Variants in CDH12 observed in about 807,000 individuals in gnomAD.
The protein encoded by CDH12 is cadherin-12.
CDH12 carries 41 observed loss-of-function variants against 74.1 expected under a neutral mutation model. The observed-to-expected ratio is 0.55, with a 90% confidence interval of 0.43 to 0.72. The LOEUF is 0.72. Ranked by LOEUF, CDH12 falls within the 30% of genes least tolerant of loss-of-function variation. CDH12 has a pLI of 0.00. For synonymous variants in CDH12, 399 were observed against 355.0 expected, an observed-to-expected ratio of 1.12 and a Z score of -1.39; for missense variants, 945 against 977.2, an observed-to-expected ratio of 0.97 and a Z score of 0.44.
chr5:22,692,089 A>T (rs1003211295), intron 1 of CDH12, among the ~76,000 whole-genome samples: 1 of 152,150 alleles, frequency 6.6e-6, no homozygotes, highest in African/African-American at 2.4e-5. Flanking sequence ...TCTCTCATGA[A>T]TAAATTAGTG....
At position 21,761,742 on chromosome 5, in the gene CDH12, T is replaced by G. The variant is rs372840836; in HGVS notation, c.1516-1067A>C. Among the ~76,000 whole-genome samples the G allele has an allele frequency of 2.3e-3, 337 of 147,462 alleles. 1 individual carries two copies. The highest frequency in any genetic ancestry group is 4.3e-3 in the Non-Finnish European group (284 of 66,718). On this transcript the variant is annotated intron_variant, in intron 12 of 14. Coordinates refer to ENST00000382254, the MANE Select transcript of CDH12 (RefSeq NM_004061.5). Reference sequence around the variant, plus strand: ...GTAGGTAGATGGATGGATGGATAGATATAGATAGATAGATAGATAGATAGA... The same window carrying G: ...GTAGGTAGATGGATGGATGGATAGAGATAGATAGATAGATAGATAGATAGA...
intron 6 of CDH12, among the ~76,000 whole-genome samples, chr5:21,875,037 C>T (rs190805114): frequency 7.9e-5 from 12 of 152,308 alleles, no homozygotes; most frequent in Admixed American, 6.5e-4. Context: ...GATAGCATCT[C>T]ACACCAGTCA....
At chr5:22,430,884 G>C (rs1437040730) in intron 2 of CDH12, among the ~76,000 whole-genome samples, 1 of 151,858 alleles carries the variant, frequency 6.6e-6, no homozygotes, top group African/African-American at 2.4e-5. Flanking sequence ...AGATTCTTTA[G>C]CAGTTTCTTT....
intron 3 of CDH12, among the ~76,000 whole-genome samples, chr5:22,341,930 TA>T (rs923330356): frequency 1.7e-4 from 25 of 147,226 alleles, no homozygotes; most frequent in Admixed American, 5.5e-4. Context: ...TGGGCTACTA[TA>T]AAAAAAAAAC....
intron 6 of CDH12, among the ~76,000 whole-genome samples, chr5:21,877,057 G>T (rs748050236): frequency 2.6e-5 from 4 of 152,132 alleles, no homozygotes; most frequent in Non-Finnish European, 5.9e-5. Flanking sequence ...ACAAAAATTA[G>T]TCAGGCATAG....
chr5:22,703,400 T>C (rs1180563048), intron 1 of CDH12, among the ~76,000 whole-genome samples: 3 of 152,198 alleles, frequency 2.0e-5, no homozygotes, highest in Non-Finnish European at 1.5e-5. Flanking sequence ...ACACCATCTG[T>C]ATGACATTTT....
In CDH12 at chr5:22,239,917, G is replaced by T. The variant is rs531293313; in HGVS notation, c.-332-27274C>A. Among the ~76,000 whole-genome samples the T allele has an allele frequency of 2.6e-4, 39 of 152,180 alleles. 1 individual carries two copies. The highest frequency in any genetic ancestry group is 2.4e-3 in the Admixed American group (37 of 15,280). On this transcript the variant is annotated intron_variant, in intron 3 of 14. Coordinates refer to ENST00000382254, the MANE Select transcript of CDH12 (RefSeq NM_004061.5). ...ATTAATGTGAGTAAATATGAAGGTA[G>T]CTCCCTCTACAATATTTTCTGCAGC...
intron 3 of CDH12, among the ~76,000 whole-genome samples, chr5:22,259,038 C>T (rs1753419803): frequency 6.6e-6 from 1 of 152,106 alleles, no homozygotes; most frequent in African/African-American, 2.4e-5. Context: ...TTTTTTTCTA[C>T]ACACAAATGT....
At chr5:21,862,617 A>G (rs1751103677) in intron 6 of CDH12, among the ~76,000 whole-genome samples, 1 of 152,132 alleles carries the variant, frequency 6.6e-6, no homozygotes. Flanking sequence ...CTTTCAATGA[A>G]CAATATAAAA....
At chr5:22,848,125 C>G (rs1360569392) in intron 1 of CDH12, among the ~76,000 whole-genome samples, 7 of 152,108 alleles carry the variant, frequency 4.6e-5, no homozygotes, top group Admixed American at 3.9e-4. Flanking sequence ...CTACAAATTT[C>G]CCTTCATTAT....
intron 1 of CDH12, among the ~76,000 whole-genome samples, chr5:22,562,056 G>A (rs183058547): frequency 1.1e-4 from 17 of 152,144 alleles, no homozygotes; most frequent in African/African-American, 4.1e-4. Context: ...GGTGGCTCAC[G>A]CCTGTAATCC....
chr5:22,827,391 G>T (rs985556893), intron 1 of CDH12, among the ~76,000 whole-genome samples: 9 of 152,200 alleles, frequency 5.9e-5, no homozygotes, highest in Non-Finnish European at 1.3e-4. Context: ...TATTGGTTAA[G>T]GTAATAGACA....
rs540203512 is a variant in CDH12 at position 22,506,942 on chromosome 5, C to T, written c.-522-1578G>A. Among the ~76,000 whole-genome samples, 8 of 151,930 alleles carry T rather than the reference C, an allele frequency of 5.3e-5. No individual in the cohort carries two copies. The South Asian group carries it at 1.7e-3, about 32-fold the overall frequency. Reference sequence around the variant, plus strand: ...GGTGCAATAGAGTATATATTAAAACCACATTTTTCATTTCTTTATGAAATG... The same window carrying T: ...GGTGCAATAGAGTATATATTAAAACTACATTTTTCATTTCTTTATGAAATG... On this transcript the variant is annotated intron_variant, in intron 1 of 14. Transcript: ENST00000382254.
chr5:22,344,053 GA>G (rs1176950287), intron 3 of CDH12, among the ~76,000 whole-genome samples: 2 of 152,132 alleles, frequency 1.3e-5, no homozygotes, highest in African/African-American at 4.8e-5. Context: ...TGAAGGGCTT[GA>G]AAAATGGATT....
intron 5 of CDH12, among the ~76,000 whole-genome samples, chr5:21,978,210 C>T (rs1315439829): frequency 6.6e-6 from 1 of 152,062 alleles, no homozygotes; most frequent in African/African-American, 2.4e-5. Context: ...GGCGTGATCT[C>T]GGCTCACTGC....
At chr5:22,262,057 G>A (rs1753533982) in intron 3 of CDH12, among the ~76,000 whole-genome samples, 1 of 151,738 alleles carries the variant, frequency 6.6e-6, no homozygotes, top group African/African-American at 2.4e-5. Context: ...TTACCAAAGA[G>A]TAGTAACTTA....
At chr5:22,728,365 T>C (rs1744268426) in intron 1 of CDH12, among the ~76,000 whole-genome samples, 1 of 151,908 alleles carries the variant, frequency 6.6e-6, no homozygotes, top group Admixed American at 6.6e-5. Context: ...TGATTCTACT[T>C]ACAAGGAGAT....
At chr5:22,559,779 C>G (rs181596519) in intron 1 of CDH12, among the ~76,000 whole-genome samples, 74 of 152,242 alleles carry the variant, frequency 4.9e-4, no homozygotes, top group African/African-American at 1.6e-3. Context: ...ATTATAGTTT[C>G]TGGCAGTTTC....
intron 1 of CDH12, among the ~76,000 whole-genome samples, chr5:22,621,059 G>A (rs1405092584): frequency 1.3e-5 from 2 of 152,116 alleles, no homozygotes; most frequent in African/African-American, 4.8e-5. Flanking sequence ...TACTTCTAGA[G>A]GTTCTAAGAG....
Sources: allele counts gnomAD v4.1 joint callset (sites outside exome capture counted in the v4.1 genomes callset), GRCh38; gene constraint gnomAD v4.1.1; transcripts MANE v1.5; gene names NCBI Gene and HGNC (gene_info 2026-07-23, HGNC 2026-07-21).